The following CHSY3 variants were observed in gnomAD, a reference collection of about 807,000 sequenced individuals.
The protein encoded by CHSY3 is N-acetylgalactosaminyl-proteoglycan 3-beta-glucuronosyltransferase 3.
A neutral mutation model predicts 67.2 loss-of-function variants in CHSY3; 35 were observed. The observed-to-expected ratio is 0.52, with a 90% CI of 0.40 to 0.69. The LOEUF is 0.69. CHSY3 is among the 30% of genes least tolerant of loss of function. The pLI, the probability that CHSY3 is intolerant of heterozygous loss-of-function variation, is 0.00. For synonymous variants in CHSY3, 474 were observed against 434.7 expected, an observed-to-expected ratio of 1.09 and a Z score of -1.12; for missense variants, 1,069 against 1,138.5, an observed-to-expected ratio of 0.94 and a Z score of 0.88.
chr5:129,904,944 A>G lies in CHSY3; in HGVS notation c.115A>G (p.Arg39Gly). ...PRVAELSERK[R>G]RGSSLCSYYG... is the part of the protein sequence containing the mutation. ...GGTGGCGGAGCTGAGCGAGAGGAAGAGACGTGGCTCCAGCCTCTGCTCCTA... is the reference window on the plus strand; with the variant it reads ...GGTGGCGGAGCTGAGCGAGAGGAAGGGACGTGGCTCCAGCCTCTGCTCCTA... Residue 39 changes from arginine to glycine, a missense_variant, in exon 1 of 3, where the codon AGA becomes GGA. Arg to Gly is a moderately radical substitution (Grantham distance 125). Transcript: ENST00000305031. The G allele has an allele frequency of 1.3e-6, 2 of 1,555,466 alleles. No individual in the cohort carries two copies. Among genetic ancestry groups the G allele is most frequent in the Non-Finnish European group, 1.7e-6 (2 of 1,154,938 alleles).
intron 2 of CHSY3, among the ~76,000 whole-genome samples, chr5:130,083,452 C>G (rs1766507433): frequency 1.3e-5 from 2 of 151,964 alleles, no homozygotes; most frequent in Admixed American, 1.3e-4. Context: ...TCTCCTTTCT[C>G]AAGACTCATT....
In CHSY3 at chr5:129,944,625, G is replaced by A. The variant is rs117904250; in HGVS notation, c.1086+36265G>A. On this transcript the variant is annotated intron_variant, in intron 2 of 2. Transcript: ENST00000305031. ...TGGGATTACAGGTGTGAGCCACCGC[G>A]CCCAGCCCAGTGAACAAATTTATTA... Among the ~76,000 whole-genome samples, 376 of 152,124 alleles carry A rather than the reference G, an allele frequency of 2.5e-3. 8 individuals carry two copies. The East Asian group carries it at 0.061, about 25-fold the overall frequency.
intron 2 of CHSY3, among the ~76,000 whole-genome samples, chr5:130,082,973 A>C (rs1046591714): frequency 6.6e-6 from 1 of 151,852 alleles, no homozygotes; most frequent in Admixed American, 6.6e-5. Context: ...TATATAAAAA[A>C]TCTCACATCC....
intron 2 of CHSY3, among the ~76,000 whole-genome samples, chr5:130,181,806 T>C (rs1164561500): frequency 6.6e-6 from 1 of 152,188 alleles, no homozygotes; most frequent in Non-Finnish European, 1.5e-5. Context: ...ATATGGCTTC[T>C]TTCATTTTTT....
chr5:129,994,554 CA>C (rs1201847457), intron 2 of CHSY3, among the ~76,000 whole-genome samples: 9 of 152,188 alleles, frequency 5.9e-5, no homozygotes, highest in Non-Finnish European at 1.2e-4. Flanking sequence ...CCATGGTTTT[CA>C]TACCGGATTA....
chr5:129,953,714 A>G (rs1346702347), intron 2 of CHSY3, among the ~76,000 whole-genome samples: 1 of 151,982 alleles, frequency 6.6e-6, no homozygotes. Flanking sequence ...TTTGATTTGC[A>G]TTTCTCTAAT....
intron 2 of CHSY3, among the ~76,000 whole-genome samples, chr5:130,116,861 G>C (rs1421450921): frequency 9.7e-6 from 1 of 102,626 alleles, no homozygotes; most frequent in Non-Finnish European, 1.9e-5. Context: ...CTCTAGCTTT[G>C]TCTTTTTTTT....
rs1338751590 is a variant in CHSY3, at chr5:129,905,054, G to A, written c.225G>A (p.Ser75=). ...QPQSRPRQEQ[S]PPPARQDLQG... ...AGTCCCGACCACGGCAGGAGCAGTC[G>A]CCGCCCCCCGCGCGCCAGGATCTCC... is the stretch of plus-strand genomic sequence containing the variant. The change falls in exon 1 of 3, where the codon TCG becomes TCA. Residue 75 remains serine (S), a synonymous_variant. Coordinates refer to ENST00000305031, the MANE Select transcript of CHSY3 (RefSeq NM_175856.5). 2 of 1,546,808 alleles carry A rather than the reference G, an allele frequency of 1.3e-6. No homozygotes were observed. The highest frequency in any genetic ancestry group is 1.9e-5 in the Admixed American group (1 of 53,704).
At chr5:130,172,399 C>T (rs1769922223) in intron 2 of CHSY3, among the ~76,000 whole-genome samples, 1 of 149,230 alleles carries the variant, frequency 6.7e-6, no homozygotes, top group African/African-American at 2.5e-5. Context: ...GGCACCATCT[C>T]AACTCACTGC....
intron 2 of CHSY3, among the ~76,000 whole-genome samples, chr5:129,941,815 C>T (rs1761708520): frequency 6.6e-6 from 1 of 152,144 alleles, no homozygotes; most frequent in Admixed American, 6.6e-5. Flanking sequence ...CCACACACCC[C>T]AGAAACCAGT....
At chr5:129,989,690 A>G (rs1054111087) in intron 2 of CHSY3, among the ~76,000 whole-genome samples, 4 of 152,182 alleles carry the variant, frequency 2.6e-5, no homozygotes, top group African/African-American at 4.8e-5. Context: ...CAACTCTGCC[A>G]TCTGCTAACT....
chr5:130,143,802 A>G (rs79664745), intron 2 of CHSY3, among the ~76,000 whole-genome samples: 785 of 56,542 alleles, frequency 0.014, 37 homozygotes, highest in African/African-American at 0.059. Flanking sequence ...ATATATATAT[A>G]TATGTGTGTA....
intron 2 of CHSY3, among the ~76,000 whole-genome samples, chr5:129,948,127 T>A (rs1165128105): frequency 2.0e-5 from 3 of 152,168 alleles, no homozygotes; most frequent in African/African-American, 7.2e-5. Context: ...TGAACTAGAC[T>A]AAGAAAACAG....
chr5:129,953,301 A>G (rs1364105677), intron 2 of CHSY3, among the ~76,000 whole-genome samples: 1 of 152,174 alleles, frequency 6.6e-6, no homozygotes, highest in Admixed American at 6.6e-5. Context: ...TCTGCAAACG[A>G]CATGAACTCA....
intron 2 of CHSY3, among the ~76,000 whole-genome samples, chr5:129,909,392 G>A (rs1409497468): frequency 6.6e-6 from 1 of 151,946 alleles, no homozygotes; most frequent in Non-Finnish European, 1.5e-5. Context: ...TATGTTCCCT[G>A]TGAAGTCACC....
intron 2 of CHSY3, among the ~76,000 whole-genome samples, chr5:130,159,449 G>A (rs1406818525): frequency 2.6e-5 from 4 of 152,122 alleles, no homozygotes; most frequent in Non-Finnish European, 4.4e-5. Flanking sequence ...ACAGGCTTGA[G>A]CCACTGTACC....
intron 2 of CHSY3, among the ~76,000 whole-genome samples, chr5:130,020,741 A>G (rs1168048382): frequency 6.6e-6 from 1 of 151,952 alleles, no homozygotes; most frequent in Non-Finnish European, 1.5e-5. Context: ...CAGGACACTC[A>G]CCTAAGCAAT....
intron 2 of CHSY3, chr5:130,001,445 C>A: frequency 1.1e-6 from 1 of 874,028 alleles, no homozygotes; most frequent in African/African-American, 1.8e-5. Context: ...AAGGTATCAC[C>A]ATGGACACAG....
chr5:130,014,394 T>C (rs953413251), intron 2 of CHSY3, among the ~76,000 whole-genome samples: 5 of 152,228 alleles, frequency 3.3e-5, no homozygotes, highest in Non-Finnish European at 7.3e-5. Flanking sequence ...AGAGGTTTAA[T>C]TGACTCACAG....
Sources: gnomAD v4.1 joint callset for allele counts (sites outside exome capture counted in the v4.1 genomes callset) on GRCh38, gnomAD v4.1.1 for gene constraint, MANE v1.5 for transcripts, NCBI Gene and HGNC (gene_info 2026-07-23, HGNC 2026-07-21) for gene names.